NRXN3: variants seen among roughly 807,000 people sequenced by gnomAD.
NRXN3 encodes neurexin III.
A neutral mutation model predicts 137.6 loss-of-function variants in NRXN3; 32 were observed. That is an observed-to-expected ratio of 0.23 (90% CI 0.18 to 0.31). The LOEUF (loss-of-function observed/expected upper bound fraction) is 0.31, where lower values mean the gene tolerates loss of function less well. Ranked by LOEUF, NRXN3 falls within the 10% of genes least tolerant of loss-of-function variation. The pLI is 1.00. For missense variants in NRXN3, 1,574 were observed against 2,062.5 expected, an observed-to-expected ratio of 0.76 and a Z score of 4.59; for synonymous variants, 798 against 784.5, an observed-to-expected ratio of 1.02 and a Z score of -0.29.
At chr14:78,573,212 C>T (rs1397760706) in intron 4 of NRXN3, among the ~76,000 whole-genome samples, 1 of 152,134 alleles carries the variant, frequency 6.6e-6, no homozygotes, top group African/African-American at 2.4e-5. Context: ...TTATAAATTA[C>T]CCAGTCTCAG....
intron 16 of NRXN3, among the ~76,000 whole-genome samples, chr14:79,501,190 G>C (rs544415143): frequency 6.0e-4 from 91 of 152,178 alleles, no homozygotes; most frequent in Middle Eastern, 3.4e-3. Flanking sequence ...ATGTCTGTCC[G>C]ATGCTTTCCA....
chr14:78,946,352 G>T (rs959962234), intron 10 of NRXN3, among the ~76,000 whole-genome samples: 3 of 152,216 alleles, frequency 2.0e-5, no homozygotes, highest in Admixed American at 2.0e-4. Context: ...AAGAGGAACA[G>T]ACAGTTGATG....
At chr14:79,744,579 A>G (rs1355255905) in intron 19 of NRXN3, among the ~76,000 whole-genome samples, 3 of 152,216 alleles carry the variant, frequency 2.0e-5, no homozygotes, top group African/African-American at 7.2e-5. Flanking sequence ...TGTTACTAAC[A>G]TCAACGCTTC....
At chr14:79,194,429 G>C (rs1015563197) in intron 15 of NRXN3, among the ~76,000 whole-genome samples, 3 of 152,210 alleles carry the variant, frequency 2.0e-5, no homozygotes, top group Non-Finnish European at 4.4e-5. Context: ...CCCAGGAACA[G>C]AACTGTCTGA....
At chr14:78,988,207 G>A (rs770673483) in intron 15 of NRXN3, 66 bp downstream of exon 15, 1 of 1,583,428 alleles carries the variant, frequency 6.3e-7, no homozygotes, top group Non-Finnish European at 8.7e-7. Flanking sequence ...GAATCTTAAA[G>A]GACAATATGT....
intron 19 of NRXN3, among the ~76,000 whole-genome samples, chr14:79,786,972 T>C (rs1273124464): frequency 6.6e-6 from 1 of 152,242 alleles, no homozygotes; most frequent in African/African-American, 2.4e-5. Context: ...TATCTGCTGC[T>C]CAGCGCTAAG....
intron 15 of NRXN3, among the ~76,000 whole-genome samples, chr14:79,216,304 C>G (rs889528604): frequency 6.6e-6 from 1 of 152,152 alleles, no homozygotes; most frequent in Non-Finnish European, 1.5e-5. Flanking sequence ...GAAAGGGAGC[C>G]TTCCAAGAGA....
chr14:78,844,296 C>A (rs2099020647), intron 10 of NRXN3, among the ~76,000 whole-genome samples: 3 of 152,116 alleles, frequency 2.0e-5, no homozygotes, highest in African/African-American at 4.8e-5. Context: ...TCTCCAGATG[C>A]TTAATTTAAT....
intron 16 of NRXN3, among the ~76,000 whole-genome samples, chr14:79,512,592 A>G (rs2096942312): frequency 6.6e-6 from 1 of 152,236 alleles, no homozygotes; most frequent in Non-Finnish European, 1.5e-5. Flanking sequence ...TTTATTTCAA[A>G]TAGTAACAAT....
intron 8 of NRXN3, among the ~76,000 whole-genome samples, chr14:78,740,648 GTTC>G (rs1476417430): frequency 6.7e-6 from 1 of 149,184 alleles, no homozygotes; most frequent in African/African-American, 2.5e-5. Context: ...AACACCTAGT[GTTC>G]TTCTCCTGGA....
At chr14:79,358,101 T>C (rs2093490886) in intron 15 of NRXN3, among the ~76,000 whole-genome samples, 1 of 152,122 alleles carries the variant, frequency 6.6e-6, no homozygotes, top group Non-Finnish European at 1.5e-5. Context: ...AGCACGTGAG[T>C]TATTCCTAAA....
chr14:78,517,683 G>A (rs1296959960), intron 4 of NRXN3, among the ~76,000 whole-genome samples: 2 of 152,150 alleles, frequency 1.3e-5, no homozygotes, highest in African/African-American at 4.8e-5. Flanking sequence ...TACAGCCCAA[G>A]AAGGTGTTTT....
At chr14:78,201,585 G>A (rs2061682342) in intron 1 of NRXN3, among the ~76,000 whole-genome samples, 1 of 152,216 alleles carries the variant, frequency 6.6e-6, no homozygotes, top group Non-Finnish European at 1.5e-5. Flanking sequence ...CTGCATCGAG[G>A]ACTGGTTGTA....
At chr14:79,189,385 T>G (rs1446363753) in intron 15 of NRXN3, among the ~76,000 whole-genome samples, 1 of 93,786 alleles carries the variant, frequency 1.1e-5, no homozygotes, top group African/African-American at 4.3e-5. Flanking sequence ...TGGGGACTGT[T>G]GTGGGGTGGG....
chr14:78,765,773 C>A (rs1482949291), intron 8 of NRXN3, among the ~76,000 whole-genome samples: 1 of 151,718 alleles, frequency 6.6e-6, no homozygotes, highest in African/African-American at 2.4e-5. Context: ...ACATATATAT[C>A]TTTATATATT....
At chr14:79,286,411 G>C (rs764472077) in intron 15 of NRXN3, among the ~76,000 whole-genome samples, 1 of 151,630 alleles carries the variant, frequency 6.6e-6, no homozygotes, top group African/African-American at 2.4e-5. Flanking sequence ...TGTTAAATAG[G>C]CATCAGTTTA....
intron 15 of NRXN3, among the ~76,000 whole-genome samples, chr14:79,015,122 T>G (rs2099577188): frequency 6.6e-6 from 1 of 152,228 alleles, no homozygotes; most frequent in Admixed American, 6.5e-5. Context: ...GTCAGCCATC[T>G]TGAATCAATC....
At chr14:79,790,616 T>TTTTTTG (rs1491193694) in intron 19 of NRXN3, among the ~76,000 whole-genome samples, 1 of 37,848 alleles carries the variant, frequency 2.6e-5, no homozygotes, top group African/African-American at 1.2e-4. Context: ...GCCCAGGCTC[T>TTTTTTG]TTTTTTTTTT....
chr14:78,635,668 A>T (rs990088879), intron 4 of NRXN3, among the ~76,000 whole-genome samples: 1 of 152,138 alleles, frequency 6.6e-6, no homozygotes, highest in African/African-American at 2.4e-5. Context: ...GGCATTTGCT[A>T]TTCCAGTATA....
Sources: gnomAD v4.1 joint callset for allele counts (sites outside exome capture counted in the v4.1 genomes callset) on GRCh38, gnomAD v4.1.1 for gene constraint, MANE v1.5 for transcripts, NCBI Gene and HGNC (gene_info 2026-07-23, HGNC 2026-07-21) for gene names.